Variants in STPG2 observed in about 807,000 individuals in gnomAD.
The protein encoded by STPG2 is sperm tail PG-rich repeat containing 2.
Under a neutral mutation model 54.2 loss-of-function variants are expected in STPG2, and 56 were observed. The observed-to-expected ratio is 1.03, with a 90% CI of 0.83 to 1.29. The LOEUF is 1.29. Among genes scored for constraint, STPG2 ranks in the 50% most tolerant of loss-of-function variants. The pLI, the probability that STPG2 is intolerant of heterozygous loss-of-function variation, is 0.00. For synonymous variants in STPG2, 200 were observed against 181.8 expected (o/e 1.10, Z -0.81); for missense variants, 596 against 544.9 (o/e 1.09, Z -0.93).
chr4:97,468,688 A>C (rs1378992824), intron 4 of STPG2, among the ~76,000 whole-genome samples: 1 of 151,950 alleles, frequency 6.6e-6, no homozygotes, highest in Non-Finnish European at 1.5e-5. Context: ...ATTTTTTCCT[A>C]TGCCCTATAA....
At chr4:97,855,882 A>G (rs1729319636) in intron 8 of STPG2, among the ~76,000 whole-genome samples, 1 of 152,188 alleles carries the variant, frequency 6.6e-6, no homozygotes, top group Non-Finnish European at 1.5e-5. Flanking sequence ...TTTGCAGCAT[A>G]TGGCTAGCCA....
intron 10 of STPG2, among the ~76,000 whole-genome samples, chr4:97,670,127 T>A (rs1360253999): frequency 2.0e-5 from 3 of 152,170 alleles, no homozygotes; most frequent in Non-Finnish European, 4.4e-5. Flanking sequence ...GATAACATTT[T>A]TTGATGAGCA....
chr4:97,778,081 C>T (rs1726440935), intron 9 of STPG2, among the ~76,000 whole-genome samples: 1 of 152,082 alleles, frequency 6.6e-6, no homozygotes, highest in Admixed American at 6.5e-5. Flanking sequence ...ACAGTGGGTG[C>T]AGCCCACCGA....
At chr4:97,833,788 T>C (rs913822169) in intron 9 of STPG2, among the ~76,000 whole-genome samples, 3 of 152,076 alleles carry the variant, frequency 2.0e-5, no homozygotes, top group African/African-American at 7.2e-5. Flanking sequence ...ATTAGAGAAA[T>C]GCAAATCAAA....
At chr4:97,862,253 C>T (rs1336064881) in intron 8 of STPG2, among the ~76,000 whole-genome samples, 1 of 151,426 alleles carries the variant, frequency 6.6e-6, no homozygotes, top group African/African-American at 2.4e-5. Flanking sequence ...GGAGGAAGAT[C>T]TACCAAGCAA....
intron 9 of STPG2, among the ~76,000 whole-genome samples, chr4:97,756,576 T>C (rs1725738968): frequency 6.6e-6 from 1 of 152,120 alleles, no homozygotes; most frequent in South Asian, 2.1e-4. Context: ...TCCACCTGCC[T>C]TGGCCTCCCA....
chr4:97,934,123 C>A (rs757135603), intron 8 of STPG2, among the ~76,000 whole-genome samples: 2 of 152,090 alleles, frequency 1.3e-5, no homozygotes, highest in Non-Finnish European at 2.9e-5. Flanking sequence ...CTTTTTGTAG[C>A]AAGTGTGAAT....
intron 4 of STPG2, among the ~76,000 whole-genome samples, chr4:97,447,449 T>C (rs1411374874): frequency 6.6e-6 from 1 of 152,180 alleles, no homozygotes; most frequent in African/African-American, 2.4e-5. Context: ...GCCCCTCCTA[T>C]CACAGGCCTA....
chr4:98,059,160 A>G (rs35939134), intron 5 of STPG2, among the ~76,000 whole-genome samples: 59,859 of 151,836 alleles, frequency 0.39, 12,029 homozygotes, highest in Middle Eastern at 0.46. Context: ...TGATGAAGAC[A>G]ATGTTACCAC....
intron 4 of STPG2, among the ~76,000 whole-genome samples, chr4:97,516,780 A>G (rs990802745): frequency 4.0e-5 from 6 of 151,732 alleles, no homozygotes; most frequent in Non-Finnish European, 5.9e-5. Flanking sequence ...GTGAGCCAAG[A>G]TTGTGCCACT....
intron 10 of STPG2, among the ~76,000 whole-genome samples, chr4:97,657,544 A>G (rs1722250040): frequency 6.6e-6 from 1 of 152,168 alleles, no homozygotes; most frequent in African/African-American, 2.4e-5. Context: ...ATCCCCACAC[A>G]GGGGTGGGCC....
rs892241341 is a variant in STPG2 at position 97,807,538 on chromosome 4, G to A, written c.1204+33235C>T. Among the ~76,000 whole-genome samples, 7 of 151,966 alleles carry A rather than the reference G, an allele frequency of 4.6e-5. No homozygotes were observed. In the East Asian group the frequency reaches 1.4e-3, roughly 29 times the overall value. On this transcript the variant is annotated intron_variant, in intron 9 of 10. Transcript: ENST00000295268. ...AAATAATTAAAATGAAAAACTTAATGCATTATTCAAACAGCAGATTATACA... is the reference window on the plus strand; with the variant it reads ...AAATAATTAAAATGAAAAACTTAATACATTATTCAAACAGCAGATTATACA...
intron 9 of STPG2, among the ~76,000 whole-genome samples, chr4:97,760,786 T>C (rs1214778425): frequency 6.6e-6 from 1 of 152,148 alleles, no homozygotes; most frequent in Non-Finnish European, 1.5e-5. Flanking sequence ...ACAAATTTGT[T>C]ATCTTACAGC....
chr4:97,573,897 T>C (rs1448399585), intron 10 of STPG2, among the ~76,000 whole-genome samples: 1 of 152,100 alleles, frequency 6.6e-6, no homozygotes, highest in Non-Finnish European at 1.5e-5. Flanking sequence ...AGTGCCCTTA[T>C]ACAAAGCCTG....
intron 8 of STPG2, among the ~76,000 whole-genome samples, chr4:97,937,429 G>A (rs572675035): frequency 6.6e-6 from 1 of 152,104 alleles, no homozygotes. Flanking sequence ...TGCTGAAGAG[G>A]TGTTGTGATC....
At chr4:97,952,542 C>T (rs1024276843) in intron 7 of STPG2, among the ~76,000 whole-genome samples, 2 of 152,148 alleles carry the variant, frequency 1.3e-5, no homozygotes, top group Non-Finnish European at 2.9e-5. Flanking sequence ...TGCTGCTGTT[C>T]CTCTGGGTCT....
chr4:97,706,244 G>T (rs1406305397), intron 10 of STPG2, among the ~76,000 whole-genome samples: 1 of 152,140 alleles, frequency 6.6e-6, no homozygotes, highest in Non-Finnish European at 1.5e-5. Context: ...TCTGCGAGTA[G>T]CTTGTAGGGA....
chr4:97,972,047 T>A (rs1014565672), intron 7 of STPG2, among the ~76,000 whole-genome samples: 2 of 152,152 alleles, frequency 1.3e-5, no homozygotes, highest in African/African-American at 4.8e-5. Flanking sequence ...CCAGAGCATA[T>A]TTTTTCAAAC....
intron 4 of STPG2, among the ~76,000 whole-genome samples, chr4:97,506,267 C>T (rs1483631671): frequency 6.6e-6 from 1 of 151,774 alleles, no homozygotes; most frequent in Non-Finnish European, 1.5e-5. Flanking sequence ...TGGGCAATCT[C>T]TGGATGAACA....
Sources: allele counts gnomAD v4.1 joint callset (sites outside exome capture counted in the v4.1 genomes callset), GRCh38; gene constraint gnomAD v4.1.1; transcripts MANE v1.5; gene names NCBI Gene and HGNC (gene_info 2026-07-23, HGNC 2026-07-21).